MAN1A1: variants seen among roughly 807,000 people sequenced by gnomAD.
MAN1A1 encodes mannosyl-oligosaccharide 1,2-alpha-mannosidase IA.
MAN1A1 carries 29 observed loss-of-function variants against 70.8 expected under a neutral mutation model. The observed-to-expected ratio is 0.41, with a 90% CI of 0.31 to 0.56. The LOEUF is 0.56. MAN1A1 is among the 20% of genes least tolerant of loss of function. MAN1A1 has a pLI of 0.29. For missense variants in MAN1A1, 747 were observed against 841.3 expected (o/e 0.89, Z 1.39); for synonymous variants, 349 against 330.1 (o/e 1.06, Z -0.62).
chr6:119,245,512 T>C (rs1775146574), intron 6 of MAN1A1, among the ~76,000 whole-genome samples: 1 of 152,146 alleles, frequency 6.6e-6, no homozygotes, highest in Non-Finnish European at 1.5e-5. Context: ...ACAGGAAAAC[T>C]TAAGATGATA....
chr6:119,201,439 G>A (rs1773710980), intron 7 of MAN1A1, 92 bp from the exon 8 acceptor site: 1 of 805,656 alleles, frequency 1.2e-6, no homozygotes, highest in African/African-American at 1.7e-5. Flanking sequence ...TGACTTAAAT[G>A]ATGCAGAGTT....
intron 5 of MAN1A1, among the ~76,000 whole-genome samples, chr6:119,252,748 C>T (rs1437483283): frequency 3.9e-5 from 6 of 151,934 alleles, no homozygotes; most frequent in African/African-American, 9.7e-5. Context: ...GCCGAGACTG[C>T]GTCACAGCTC....
intron 11 of MAN1A1, among the ~76,000 whole-genome samples, chr6:119,185,178 A>G (rs1259359789): frequency 6.6e-6 from 1 of 152,146 alleles, no homozygotes; most frequent in East Asian, 1.9e-4. Context: ...TTGAGCCACC[A>G]CGCCTGGCTT....
chr6:119,291,918 G>C (rs1450874305), intron 4 of MAN1A1, among the ~76,000 whole-genome samples: 1 of 151,958 alleles, frequency 6.6e-6, no homozygotes, highest in East Asian at 1.9e-4. Context: ...TCCTCACAAT[G>C]ACCTTATGAA....
intron 2 of MAN1A1, among the ~76,000 whole-genome samples, chr6:119,329,905 C>T (rs1439139277): frequency 6.6e-6 from 1 of 152,170 alleles, no homozygotes; most frequent in Non-Finnish European, 1.5e-5. Flanking sequence ...ATCCACAGAA[C>T]ACTTCTTAGT....
chr6:119,177,279 A>G lies in MAN1A1; in HGVS notation c.*2540T>C, dbSNP rs903822771. 6.6e-5 allele frequency: 10 copies of G among 152,086 alleles called. No homozygotes were observed. The allele number at this position is 152,086 out of a possible 1,614,324, so 9.4% of individuals were successfully genotyped here. ...ATTTTTAAAAATTATGTGTCAATCT[A>G]TTGTTTCCCATAACATTGGAGATTT... On this transcript the variant is annotated 3_prime_UTR_variant, in exon 13 of 13. Transcript: ENST00000368468.
intron 2 of MAN1A1, among the ~76,000 whole-genome samples, chr6:119,341,667 G>T (rs1180556240): frequency 1.3e-5 from 2 of 152,166 alleles, no homozygotes; most frequent in South Asian, 4.1e-4. Context: ...GATGGACTGA[G>T]CTCTGATTAT....
Position 119,349,102 on chromosome 6 carries a change from C to T in MAN1A1, c.-37G>A, listed in dbSNP as rs766277031. 5.5e-6 allele frequency: 7 copies of T among 1,263,896 alleles called. No homozygotes were observed. In the East Asian group the frequency reaches 2.2e-4, roughly 40 times the overall value. The allele number at this position is 1,263,896 out of a possible 1,614,324, so 78.3% of individuals were successfully genotyped here. ...TCCAGTGGTCCGGCGCCGCGCCGCT[C>T]AGCAGCCAAACTTCGCCGCCGCTGG... On this transcript the variant is annotated 5_prime_UTR_variant, in exon 2 of 13. Coordinates refer to ENST00000368468, the MANE Select transcript of MAN1A1 (RefSeq NM_005907.4).
intron 6 of MAN1A1, among the ~76,000 whole-genome samples, chr6:119,245,522 A>C (rs1775146694): frequency 6.6e-6 from 1 of 152,180 alleles, no homozygotes; most frequent in African/African-American, 2.4e-5. Flanking sequence ...TTAAGATGAT[A>C]AATCAGTCTC....
intron 3 of MAN1A1, among the ~76,000 whole-genome samples, chr6:119,303,840 A>C (rs1159275912): frequency 6.6e-6 from 1 of 152,136 alleles, no homozygotes; most frequent in Non-Finnish European, 1.5e-5. Flanking sequence ...TCCAAGTCCC[A>C]TTTTTAAGAC....
intron 3 of MAN1A1, among the ~76,000 whole-genome samples, chr6:119,302,388 T>C (rs10872175): frequency 0.38 from 56,834 of 149,450 alleles, 11,071 homozygotes; most frequent in Non-Finnish European, 0.41. Context: ...TTCTCTCTCT[T>C]TTTTTTTTTT....
intron 2 of MAN1A1, among the ~76,000 whole-genome samples, chr6:119,320,322 A>G (rs1474511598): frequency 6.6e-6 from 1 of 152,172 alleles, no homozygotes; most frequent in Non-Finnish European, 1.5e-5. Context: ...AGTTCAAACT[A>G]AAGTTTGAAC....
At chr6:119,209,488 A>G (rs1773984356) in intron 6 of MAN1A1, among the ~76,000 whole-genome samples, 1 of 152,172 alleles carries the variant, frequency 6.6e-6, no homozygotes, top group African/African-American at 2.4e-5. Context: ...ATCCCATACA[A>G]TTATTGCAAA....
At position 119,177,665 on chromosome 6, in the gene MAN1A1, T is replaced by A. The variant is rs999325564; in HGVS notation, c.*2154A>T. 1.3e-5 allele frequency: 2 copies of A among 152,098 alleles called. No homozygotes were observed. The highest frequency in any genetic ancestry group is 2.9e-5 in the Non-Finnish European group (2 of 67,930). The allele number at this position is 152,098 out of a possible 1,614,324, so 9.4% of individuals were successfully genotyped here. ...TAATCTCTTATCTTGTTTACATTTT[T>A]GGTGTTTTGGGACTTTTGTTAAAAA... On this transcript the variant is annotated 3_prime_UTR_variant, in exon 13 of 13. Transcript: ENST00000368468.
chr6:119,290,553 G>A, intron 5 of MAN1A1, 130 bp downstream of exon 5: 1 of 632,004 alleles, frequency 1.6e-6, no homozygotes, highest in Non-Finnish European at 2.7e-6. Flanking sequence ...CTCAGTGTAA[G>A]CTACAGCTTC....
chr6:119,317,628 T>C (rs1272752746), intron 2 of MAN1A1, among the ~76,000 whole-genome samples: 1 of 152,204 alleles, frequency 6.6e-6, no homozygotes, highest in Admixed American at 6.5e-5. Context: ...CTGGATATAC[T>C]GCAGTTTAAT....
intron 4 of MAN1A1, among the ~76,000 whole-genome samples, chr6:119,301,272 A>AT (rs1358732999): frequency 6.6e-6 from 1 of 152,206 alleles, no homozygotes; most frequent in East Asian, 1.9e-4. Flanking sequence ...TTCTTTGTCA[A>AT]TATCATTATA....
intron 5 of MAN1A1, among the ~76,000 whole-genome samples, chr6:119,281,258 T>C (rs1453842337): frequency 2.6e-5 from 4 of 152,328 alleles, no homozygotes; most frequent in Middle Eastern, 3.4e-3. Context: ...GGCTCCAGTT[T>C]GGGGACTCTT....
intron 5 of MAN1A1, among the ~76,000 whole-genome samples, chr6:119,279,328 A>G (rs1488158935): frequency 6.6e-6 from 1 of 152,182 alleles, no homozygotes; most frequent in Non-Finnish European, 1.5e-5. Flanking sequence ...TATACATTCA[A>G]TAAATTCTGC....
Sources: allele counts gnomAD v4.1 joint callset (sites outside exome capture counted in the v4.1 genomes callset), GRCh38; gene constraint gnomAD v4.1.1; transcripts MANE v1.5; gene names NCBI Gene and HGNC (gene_info 2026-07-23, HGNC 2026-07-21).